USH2A: variants seen among roughly 807,000 people sequenced by gnomAD.
USH2A encodes the protein Usher syndrome 2A (autosomal recessive, mild).
A neutral mutation model predicts 538.9 loss-of-function variants in USH2A; 443 were observed. The observed-to-expected ratio is 0.82, with a 90% CI of 0.76 to 0.89. USH2A has a LOEUF of 0.89. Among genes scored for constraint, USH2A ranks in the 40% least tolerant of loss-of-function variants. The pLI, the probability that USH2A is intolerant of heterozygous loss-of-function variation, is 0.00. For synonymous variants in USH2A, 2,413 were observed against 2,273.5 expected (o/e 1.06, Z -1.75); for missense variants, 6,633 against 6,324.8 (o/e 1.05, Z -1.65).
chr1:215,687,028 A>C (rs1658445303), intron 61 of USH2A, among the ~76,000 whole-genome samples: 2 of 151,998 alleles, frequency 1.3e-5, no homozygotes, highest in South Asian at 4.2e-4. Flanking sequence ...GATACTGGGG[A>C]CATGTTTGAG....
chr1:215,893,046 G>A lies in USH2A; in HGVS notation c.7595-3992C>T, dbSNP rs922421992. ...TGCAGAAAATAAAATGCATTGATGT[G>A]AGAATTCATGAAGTCAGGAAAACAT... On this transcript the variant is annotated intron_variant, in intron 40 of 71. Coordinates refer to ENST00000307340, the MANE Select transcript of USH2A (RefSeq NM_206933.4). 3.9e-5 allele frequency among the ~76,000 whole-genome samples: 6 copies of A among 152,202 alleles called. No homozygotes were observed. The East Asian group carries it at 5.8e-4, about 15-fold the overall frequency.
rs144794003 is a variant in USH2A at position 216,008,831 on chromosome 1, G to A, written c.6326-8269C>T. ...TTCATTTTCTGGTAAAGACAAAGGAGACATGTTTCATCCGTGGACCCAAAA... is the reference window on the plus strand; with the variant it reads ...TTCATTTTCTGGTAAAGACAAAGGAAACATGTTTCATCCGTGGACCCAAAA... On this transcript the variant is annotated intron_variant, in intron 32 of 71. Coordinates refer to ENST00000307340, the MANE Select transcript of USH2A (RefSeq NM_206933.4). 9.1e-3 allele frequency among the ~76,000 whole-genome samples: 1,379 copies of A among 152,198 alleles called. 12 individuals carry two copies. Among genetic ancestry groups the A allele is most frequent in the Non-Finnish European group, 0.012 (847 of 68,012 alleles).
At chr1:216,164,883 T>C (rs1043840441) in intron 21 of USH2A, among the ~76,000 whole-genome samples, 1 of 152,138 alleles carries the variant, frequency 6.6e-6, no homozygotes, top group Non-Finnish European at 1.5e-5. Flanking sequence ...TCCTTTACAG[T>C]GATTGCATTG....
chr1:216,361,638 A>T (rs905919825), intron 4 of USH2A, among the ~76,000 whole-genome samples: 2 of 152,186 alleles, frequency 1.3e-5, no homozygotes, highest in African/African-American at 4.8e-5. Context: ...ACATGAAAAG[A>T]TCTCAGTATC....
intron 21 of USH2A, among the ~76,000 whole-genome samples, chr1:216,150,260 A>G (rs528221461): frequency 6.6e-6 from 1 of 152,170 alleles, no homozygotes; most frequent in Non-Finnish European, 1.5e-5. Context: ...CTATCCCCAA[A>G]CTGCCACTCT....
At position 216,240,521 on chromosome 1, in the gene USH2A, T is replaced by TA. The variant is rs1376457504; in HGVS notation, c.2809+6063dup. On this transcript the variant is annotated intron_variant, in intron 13 of 71. Transcript: ENST00000307340. The stretch of plus-strand genomic sequence containing the variant: ...GAGATGGTAAAAACTTCCAGGTCGT[T>TA]AAAAAAAAAAAAAAAAGTAGAAAAG... Among the ~76,000 whole-genome samples, 284 of 133,438 alleles carry TA rather than the reference T, an allele frequency of 2.1e-3. 1 individual carries two copies. Among genetic ancestry groups the TA allele is most frequent in the Middle Eastern group, 7.6e-3 (2 of 264 alleles). The allele number at this position is 133,438 out of a possible 152,430, so 87.5% of individuals were successfully genotyped here.
intron 32 of USH2A, among the ~76,000 whole-genome samples, chr1:216,007,040 G>A (rs1668409796): frequency 6.6e-6 from 1 of 152,132 alleles, no homozygotes; most frequent in Admixed American, 6.5e-5. Context: ...CTGTTCTCAT[G>A]GTAGTGAATA....
chr1:215,785,970 A>ACACACACAG (rs1558097178), intron 52 of USH2A, among the ~76,000 whole-genome samples: 1 of 123,494 alleles, frequency 8.1e-6, no homozygotes, highest in Non-Finnish European at 1.8e-5. Flanking sequence ...CACACACACA[A>ACACACACAG]ACTTGATTTT....
At chr1:215,681,609 A>T (rs1658233859) in intron 61 of USH2A, among the ~76,000 whole-genome samples, 3 of 152,224 alleles carry the variant, frequency 2.0e-5, no homozygotes, top group Admixed American at 2.0e-4. Context: ...GGGCATCCAA[A>T]TATCATTTTG....
intron 43 of USH2A, 102 bp from the exon 44 acceptor site, chr1:215,867,272 A>C: frequency 7.9e-7 from 1 of 1,273,534 alleles, no homozygotes; most frequent in South Asian, 1.3e-5. Context: ...ATTTCCTTCC[A>C]CCCCTCTACA....
chr1:215,627,425 C>CCTTCCTTCT lies in USH2A; in HGVS notation c.15519+1388_15519+1389insAGAAGGAAG, dbSNP rs1558027355. 2.2e-3 allele frequency among the ~76,000 whole-genome samples: 233 copies of CCTTCCTTCT among 105,898 alleles called. 5 individuals are homozygous for CCTTCCTTCT. The highest frequency in any genetic ancestry group is 9.8e-3 in the African/African-American group (203 of 20,772). 69.5% of individuals were successfully genotyped at this position (105,898 alleles called of 152,430 possible). ...CCTTCCTTCCTTCCTTCCTTCCTTC[C>CCTTCCTTCT]TTCCTTCCTTCCTTCCTTCCTTCCT... On this transcript the variant is annotated intron_variant, in intron 71 of 71. Transcript: ENST00000307340.
intron 67 of USH2A, among the ~76,000 whole-genome samples, chr1:215,646,117 A>T (rs180914500): frequency 1.3e-5 from 2 of 152,316 alleles, no homozygotes; most frequent in East Asian, 3.9e-4. Context: ...AGGAGATTAA[A>T]AGAATTGATT....
intron 27 of USH2A, among the ~76,000 whole-genome samples, chr1:216,075,719 A>G (rs1461928045): frequency 1.3e-5 from 2 of 152,164 alleles, no homozygotes; most frequent in Non-Finnish European, 2.9e-5. Flanking sequence ...GATTATCCTC[A>G]TTGATCATTC....
chr1:215,632,748 C>CA (rs2102629117), intron 70 of USH2A, among the ~76,000 whole-genome samples: 1 of 152,272 alleles, frequency 6.6e-6, no homozygotes, highest in South Asian at 2.1e-4. Flanking sequence ...CCACTGCCTT[C>CA]CTCCAGCAGC....
Position 215,888,655 on chromosome 1 carries a change from C to T in USH2A, c.7994G>A (p.Gly2665Glu). 6.2e-7 allele frequency: 1 copy of T among 1,614,138 alleles called. No individual in the cohort carries two copies. The highest frequency in any genetic ancestry group is 1.6e-4 in the Middle Eastern group (1 of 6,062). ...ENFTIERRVK[G>E]KEEVTTLVTL... ...CACCAGGGTAGTAACTTCTTCCTTT[C>T]CTTTGACTCTTCTCTCAATTGTGAA... The change falls in exon 41 of 72, where the codon GGA (glycine) becomes GAA (glutamate). Residue 2665 changes from glycine to glutamate, a missense_variant. Physicochemically the swap from Gly to Glu is moderately conservative, Grantham distance 98. Transcript: ENST00000307340.
intron 9 of USH2A, among the ~76,000 whole-genome samples, chr1:216,307,382 A>T (rs1432599250): frequency 6.6e-6 from 1 of 152,084 alleles, no homozygotes; most frequent in East Asian, 1.9e-4. Flanking sequence ...CCCAGCTCCC[A>T]TGCAACCCAA....
At chr1:216,041,455 G>A (rs1300760722) in intron 32 of USH2A, among the ~76,000 whole-genome samples, 3 of 151,964 alleles carry the variant, frequency 2.0e-5, no homozygotes, top group South Asian at 2.1e-4. Flanking sequence ...CTTTGCTTGT[G>A]CCCCCCATGG....
At chr1:215,910,690 T>G (rs1665759557) in intron 38 of USH2A, among the ~76,000 whole-genome samples, 1 of 151,964 alleles carries the variant, frequency 6.6e-6, no homozygotes, top group African/African-American at 2.4e-5. Flanking sequence ...TTATTATTTC[T>G]TAGTAACATC....
chr1:216,158,700 T>C (rs955573742), intron 21 of USH2A, among the ~76,000 whole-genome samples: 1 of 152,192 alleles, frequency 6.6e-6, no homozygotes, highest in African/African-American at 2.4e-5. Flanking sequence ...CTACTCTAAG[T>C]ACTTTCCTCT....
Sources: allele counts gnomAD v4.1 joint callset (sites outside exome capture counted in the v4.1 genomes callset), GRCh38; gene constraint gnomAD v4.1.1; transcripts MANE v1.5; gene names NCBI Gene and HGNC (gene_info 2026-07-23, HGNC 2026-07-21).